Variants in AGMO observed in about 807,000 individuals in gnomAD.
AGMO encodes glyceryl-ether monooxygenase.
AGMO carries 75 observed loss-of-function variants against 60.2 expected under a neutral mutation model. The ratio of observed to expected loss-of-function variants is 1.25; its 90% CI spans 1.03 to 1.51. AGMO has a LOEUF of 1.51. Ranked by LOEUF, AGMO falls within the 40% of genes most tolerant of loss-of-function variation. The pLI, the probability that AGMO is intolerant of heterozygous loss-of-function variation, is 0.00. For synonymous variants in AGMO, 261 were observed against 177.1 expected, an observed-to-expected ratio of 1.47 and a Z score of -3.76; for missense variants, 763 against 525.5, an observed-to-expected ratio of 1.45 and a Z score of -4.42.
chr7:15,221,645 A>G (rs1269908995), intron 12 of AGMO, among the ~76,000 whole-genome samples: 1 of 152,144 alleles, frequency 6.6e-6, no homozygotes, highest in Non-Finnish European at 1.5e-5. Flanking sequence ...AAATTGTAGA[A>G]TCCCTTTTAA....
At chr7:15,465,746 T>A (rs915534095) in intron 3 of AGMO, among the ~76,000 whole-genome samples, 3 of 151,738 alleles carry the variant, frequency 2.0e-5, no homozygotes, top group African/African-American at 7.3e-5. Flanking sequence ...CACCTAAGTC[T>A]CATATATTTA....
intron 5 of AGMO, among the ~76,000 whole-genome samples, chr7:15,403,074 T>C (rs550712679): frequency 1.3e-5 from 2 of 152,102 alleles, no homozygotes; most frequent in African/African-American, 4.8e-5. Context: ...TTGGGACTGA[T>C]GAAAAAAATC....
At position 15,354,384 on chromosome 7, in the gene AGMO, GTGTGTGTATAC is replaced by G. The variant is rs1782394321; in HGVS notation, c.1263+11119_1263+11129del. ...TGTGTATATAGACGTGTGTATACACGTGTGTGTATACACGTGTGTGTACACACGTGTGTGTA... is the reference window on the plus strand; with the variant it reads ...TGTGTATATAGACGTGTGTATACACGACGTGTGTGTACACACGTGTGTGTA... On this transcript the variant is annotated intron_variant, in intron 12 of 12. Transcript: ENST00000342526. 8.0e-4 allele frequency among the ~76,000 whole-genome samples: 4 copies of G among 4,982 alleles called. No individual in the cohort carries two copies. In the South Asian group the frequency reaches 0.03, roughly 37 times the overall value. 3.3% of individuals were successfully genotyped at this position (4,982 alleles called of 152,430 possible). A position where few individuals can be genotyped will look rare whatever the true frequency, so the allele number is the denominator to read the frequency against.
At chr7:15,306,891 C>A (rs10234064) in intron 12 of AGMO, among the ~76,000 whole-genome samples, 4,615 of 151,868 alleles carry the variant, frequency 0.03, 227 homozygotes, top group African/African-American at 0.11. Flanking sequence ...AGGTAATGAA[C>A]TCTTTGTATA....
chr7:15,435,281 G>A (rs1416987507), intron 3 of AGMO, among the ~76,000 whole-genome samples: 2 of 150,428 alleles, frequency 1.3e-5, no homozygotes, highest in African/African-American at 2.4e-5. Flanking sequence ...CCTTGTTAAG[G>A]ACCTATCAAA....
chr7:15,241,413 T>C (rs541974746), intron 12 of AGMO, among the ~76,000 whole-genome samples: 5 of 124,412 alleles, frequency 4.0e-5, no homozygotes, highest in South Asian at 2.5e-4. Flanking sequence ...TGAGCCGGGA[T>C]AGCGCCACTG....
intron 3 of AGMO, among the ~76,000 whole-genome samples, chr7:15,516,073 T>C (rs1468212495): frequency 6.6e-6 from 1 of 152,110 alleles, no homozygotes; most frequent in Non-Finnish European, 1.5e-5. Context: ...GTAAATTAGC[T>C]CAACTGAGCC....
At chr7:15,492,133 T>TTTACA (rs1783082481) in intron 3 of AGMO, among the ~76,000 whole-genome samples, 1 of 152,124 alleles carries the variant, frequency 6.6e-6, no homozygotes, top group East Asian at 1.9e-4. Flanking sequence ...AGTCCAGGAT[T>TTTACA]GTAAATAGGG....
intron 3 of AGMO, among the ~76,000 whole-genome samples, chr7:15,491,034 A>C (rs2128520808): frequency 6.6e-6 from 1 of 152,308 alleles, no homozygotes; most frequent in East Asian, 1.9e-4. Context: ...CTGGTGGTTT[A>C]GCATCTGTAA....
chr7:15,331,358 T>C (rs1448433821), intron 12 of AGMO, among the ~76,000 whole-genome samples: 1 of 152,190 alleles, frequency 6.6e-6, no homozygotes, highest in Admixed American at 6.6e-5. Flanking sequence ...CCATAATTTC[T>C]GGAACAGGGA....
intron 3 of AGMO, among the ~76,000 whole-genome samples, chr7:15,442,540 C>A (rs764010416): frequency 1.3e-5 from 2 of 152,130 alleles, no homozygotes; most frequent in African/African-American, 4.8e-5. Flanking sequence ...ACATTACATC[C>A]AAACCCAAAT....
At chr7:15,264,705 G>A (rs1256518808) in intron 12 of AGMO, among the ~76,000 whole-genome samples, 1 of 152,038 alleles carries the variant, frequency 6.6e-6, no homozygotes, top group East Asian at 1.9e-4. Context: ...AATGATTAGA[G>A]AAATGCAAAT....
At chr7:15,197,292 A>G (rs1486300749), downstream of AGMO, among the ~76,000 whole-genome samples, 1 of 152,188 alleles carries the variant, frequency 6.6e-6, no homozygotes, top group Non-Finnish European at 1.5e-5. Context: ...ACTATAATGT[A>G]TACCATATGT....
the AGMO span, among the ~76,000 whole-genome samples, chr7:15,194,775 A>G: frequency 6.6e-6 from 1 of 152,166 alleles, no homozygotes; most frequent in Non-Finnish European, 1.5e-5. Flanking sequence ...CCTATTACGT[A>G]GGCCAAGCCA....
At chr7:15,164,165 T>C in the AGMO span, among the ~76,000 whole-genome samples, 10 of 152,226 alleles carry the variant, frequency 6.6e-5, no homozygotes, top group South Asian at 2.1e-3. Context: ...TTCTATTCAA[T>C]GAATGGTGCT....
At chr7:15,323,638 T>C (rs941596179) in intron 12 of AGMO, among the ~76,000 whole-genome samples, 3 of 152,190 alleles carry the variant, frequency 2.0e-5, no homozygotes, top group African/African-American at 4.8e-5. Flanking sequence ...CTGATTCTCA[T>C]ATGATTCCAA....
chr7:15,538,113 C>T (rs1784527108), intron 3 of AGMO, among the ~76,000 whole-genome samples: 1 of 152,044 alleles, frequency 6.6e-6, no homozygotes, highest in African/African-American at 2.4e-5. Flanking sequence ...AATAATCCCA[C>T]TTCAAGGACT....
At chr7:15,142,501 T>C in the AGMO span, among the ~76,000 whole-genome samples, 1 of 152,346 alleles carries the variant, frequency 6.6e-6, no homozygotes, top group East Asian at 1.9e-4. Context: ...TTATTCAGCC[T>C]CCATAATTTC....
chr7:15,548,074 A>C (rs1237746467), intron 2 of AGMO, among the ~76,000 whole-genome samples: 2 of 152,116 alleles, frequency 1.3e-5, no homozygotes, highest in Non-Finnish European at 2.9e-5. Flanking sequence ...CTCACACGGC[A>C]GGGTATTCCA....
Sources: allele counts gnomAD v4.1 joint callset (sites outside exome capture counted in the v4.1 genomes callset), GRCh38; gene constraint gnomAD v4.1.1; transcripts MANE v1.5; gene names NCBI Gene and HGNC (gene_info 2026-07-23, HGNC 2026-07-21).